ZNF70: variants seen among roughly 807,000 people sequenced by gnomAD.
ZNF70 encodes zinc finger protein N27C7-1.
ZNF70 carries 18 observed loss-of-function variants against 37.7 expected under a neutral mutation model. The ratio of observed to expected loss-of-function variants is 0.48; its 90% CI spans 0.33 to 0.71. ZNF70 has a LOEUF of 0.71. ZNF70 is among the 30% of genes least tolerant of loss of function. The pLI is 0.02. For missense variants in ZNF70, 506 were observed against 568.6 expected, an observed-to-expected ratio of 0.89 and a Z score of 1.12; for synonymous variants, 219 against 220.1, an observed-to-expected ratio of 0.99 and a Z score of 0.05.
chr22:23,739,437 C>A lies in ZNF70; in HGVS notation c.*4363G>T, dbSNP rs117370326. ...ACTACAGGCGCACAGCTGCCTGTAG[C>A]CACCACGCACGGCTAATTTTTTGTA... On this transcript the variant is annotated 3_prime_UTR_variant, in exon 2 of 2. Coordinates refer to ENST00000341976, the MANE Select transcript of ZNF70 (RefSeq NM_021916.4). The A allele has an allele frequency of 0.013, 1,979 of 151,066 alleles. 29 individuals are homozygous for A. Among genetic ancestry groups the A allele is most frequent in the South Asian group, 0.046 (219 of 4,760 alleles). The allele number at this position is 151,066 out of a possible 1,614,324, so 9.4% of individuals were successfully genotyped here.
rs1924869397 is a variant in ZNF70 at position 23,741,366 on chromosome 22, T to C, written c.*2434A>G. On this transcript the variant is annotated 3_prime_UTR_variant, in exon 2 of 2. Coordinates refer to ENST00000341976, the MANE Select transcript of ZNF70 (RefSeq NM_021916.4). Reference sequence around the variant, plus strand: ...GACAGGCCTGAAATGACAGGCCACTTGCAGGCAATGCCCAGGGCACCATCC... The same window carrying C: ...GACAGGCCTGAAATGACAGGCCACTCGCAGGCAATGCCCAGGGCACCATCC... 1 of 152,218 alleles carries C rather than the reference T, an allele frequency of 6.6e-6. No individual in the cohort carries two copies. Among genetic ancestry groups the C allele is most frequent in the Non-Finnish European group, 1.5e-5 (1 of 68,058 alleles). The allele number at this position is 152,218 out of a possible 1,614,324, so 9.4% of individuals were successfully genotyped here. A position where few individuals can be genotyped will look rare whatever the true frequency, so the allele number is the denominator to read the frequency against.
rs746104358 is a variant in ZNF70 at position 23,743,867 on chromosome 22, C to T, written c.1274G>A (p.Gly425Asp). ...REKPYVCNLC[G>D]KSFRGSSHLI... is the part of the protein sequence containing the mutation. ...GTGCGAGCTCCCCCGGAAGGACTTG[C>T]CGCACAGATTGCACACGTAGGGCTT... Residue 425 changes from glycine (G) to aspartate (D), a missense_variant, in exon 2 of 2, where the codon GGC (glycine) becomes GAC (aspartate). Coordinates refer to ENST00000341976, the MANE Select transcript of ZNF70 (RefSeq NM_021916.4). 2 of 1,614,228 alleles carry T rather than the reference C, an allele frequency of 1.2e-6. No individual in the cohort carries two copies. Among genetic ancestry groups the T allele is most frequent in the South Asian group, 2.2e-5 (2 of 91,084 alleles).
chr22:23,750,138 A>T (rs2145902563), intron 1 of ZNF70, among the ~76,000 whole-genome samples: 1 of 151,728 alleles, frequency 6.6e-6, no homozygotes, highest in African/African-American at 2.4e-5. Flanking sequence ...GCATTCTATG[A>T]CCTCCTTATT....
Position 23,744,815 on chromosome 22 carries a change from C to G in ZNF70, c.326G>C (p.Ser109Thr). ...ACAATCGCATGGACTGGGCTCTTCA[C>G]TGTGGATTATCTGACACATGCTGAG... is the stretch of plus-strand genomic sequence containing the variant. ...SDLSMCQIIH[S>T]EEPSPCDCAE... Residue 109 changes from serine (S) to threonine (T), a missense_variant, in exon 2 of 2, where the codon AGT becomes ACT. Ser to Thr is a moderately conservative substitution (Grantham distance 58). Coordinates refer to ENST00000341976, the MANE Select transcript of ZNF70 (RefSeq NM_021916.4). 2.5e-6 allele frequency: 4 copies of G among 1,614,218 alleles called. No individual in the cohort carries two copies. The highest frequency in any genetic ancestry group is 2.2e-5 in the South Asian group (2 of 91,080).
chr22:23,748,529 C>T (rs1925208621), intron 1 of ZNF70, among the ~76,000 whole-genome samples: 1 of 151,642 alleles, frequency 6.6e-6, no homozygotes, highest in Admixed American at 6.6e-5. Flanking sequence ...CATGAGCCAC[C>T]ATGCCCAGCA....
chr22:23,745,167 T>A lies in ZNF70; in HGVS notation c.-27A>T. The A allele has an allele frequency of 6.3e-7, 1 of 1,585,418 alleles. No homozygotes were observed. The highest frequency in any genetic ancestry group is 8.6e-7 in the Non-Finnish European group (1 of 1,165,186). On this transcript the variant is annotated 5_prime_UTR_variant, in exon 2 of 2. Transcript: ENST00000341976. ...GTGAATCTGCTATCATCCCCAATGG[T>A]TGTATTTCTTTAAAAATGTTCTTCT... is the stretch of plus-strand genomic sequence containing the variant.
At chr22:23,748,450 A>T (rs1350487644) in intron 1 of ZNF70, among the ~76,000 whole-genome samples, 1 of 152,144 alleles carries the variant, frequency 6.6e-6, no homozygotes, top group South Asian at 2.1e-4. Flanking sequence ...TATGTTGCCC[A>T]GGCTGGTCTT....
Position 23,739,422 on chromosome 22 carries a change from C to A in ZNF70, c.*4378G>T, listed in dbSNP as rs1411581387. The A allele has an allele frequency of 2.0e-5, 3 of 151,738 alleles. No individual in the cohort carries two copies. Among genetic ancestry groups the A allele is most frequent in the Non-Finnish European group, 2.9e-5 (2 of 67,994 alleles). The allele number at this position is 151,738 out of a possible 1,614,324, so 9.4% of individuals were successfully genotyped here. ...TCCCAAGTAGCTGGGACTACAGGCG[C>A]ACAGCTGCCTGTAGCCACCACGCAC... On this transcript the variant is annotated 3_prime_UTR_variant, in exon 2 of 2. Coordinates refer to ENST00000341976, the MANE Select transcript of ZNF70 (RefSeq NM_021916.4).
chr22:23,741,418 G>A lies in ZNF70; in HGVS notation c.*2382C>T, dbSNP rs546269419. The A allele has an allele frequency of 3.3e-5, 5 of 152,384 alleles. No individual in the cohort carries two copies. In the East Asian group the frequency reaches 9.6e-4, roughly 29 times the overall value. The allele number at this position is 152,384 out of a possible 1,614,324, so 9.4% of individuals were successfully genotyped here. ...GTCAGTCCAACTGGTTACACAGAGG[G>A]TTCTGGTGGACAATGGAGTGCTGGT... On this transcript the variant is annotated 3_prime_UTR_variant, in exon 2 of 2. Transcript: ENST00000341976.
intron 1 of ZNF70, among the ~76,000 whole-genome samples, chr22:23,748,145 A>G (rs1346932054): frequency 6.6e-6 from 1 of 151,488 alleles, no homozygotes; most frequent in African/African-American, 2.4e-5. Flanking sequence ...CAAAGGCACA[A>G]TTATCCTTAT....
chr22:23,741,759 G>A lies in ZNF70; in HGVS notation c.*2041C>T, dbSNP rs1924881437. 2 of 152,378 alleles carry A rather than the reference G, an allele frequency of 1.3e-5. No homozygotes were observed. Among genetic ancestry groups the A allele is most frequent in the South Asian group, 2.1e-4 (1 of 4,834 alleles). 9.4% of individuals were successfully genotyped at this position (152,378 alleles called of 1,614,324 possible). ...CCCCACTAGCTCTGAGGAGCCCAAG[G>A]GAAGCCAGGACTAAAGAGATCCCCA... On this transcript the variant is annotated 3_prime_UTR_variant, in exon 2 of 2. Transcript: ENST00000341976.
At position 23,743,686 on chromosome 22, in the gene ZNF70, G is replaced by A. The variant is rs1924960393; in HGVS notation, c.*114C>T. On this transcript the variant is annotated 3_prime_UTR_variant, in exon 2 of 2. Coordinates refer to ENST00000341976, the MANE Select transcript of ZNF70 (RefSeq NM_021916.4). ...TAGTGGGATGTTCAAGAGCGCTTAG[G>A]TGGGAAGGTTTCCATTCAGCATCAG... The A allele has an allele frequency of 7.0e-7, 1 of 1,426,836 alleles. No individual in the cohort carries two copies. Among genetic ancestry groups the A allele is most frequent in the South Asian group, 1.4e-5 (1 of 71,762 alleles). 88.4% of individuals were successfully genotyped at this position (1,426,836 alleles called of 1,614,324 possible). A position where few individuals can be genotyped will look rare whatever the true frequency, so the allele number is the denominator to read the frequency against.
In ZNF70 at chr22:23,743,382, A is replaced by G; in HGVS notation, c.*418T>C. ...ACTGTGAGTGTGGTTTCTGTCTTCTAAAAGTGCCAGACTGCAGCCTGTTTT... is the reference window on the plus strand; with the variant it reads ...ACTGTGAGTGTGGTTTCTGTCTTCTGAAAGTGCCAGACTGCAGCCTGTTTT... On this transcript the variant is annotated 3_prime_UTR_variant, in exon 2 of 2. Transcript: ENST00000341976. 5.7e-6 allele frequency: 1 copy of G among 175,796 alleles called. No homozygotes were observed. The highest frequency in any genetic ancestry group is 1.5e-4 in the South Asian group (1 of 6,752). 10.9% of individuals were successfully genotyped at this position (175,796 alleles called of 1,614,324 possible).
In ZNF70 at chr22:23,750,696, C is replaced by T. The variant is rs1012744801; in HGVS notation, c.-80+15G>A. The T allele has an allele frequency of 5.2e-5, 8 of 152,384 alleles. No individual in the cohort carries two copies. The highest frequency in any genetic ancestry group is 4.6e-4 in the Admixed American group (7 of 15,292). The allele number at this position is 152,384 out of a possible 1,614,324, so 9.4% of individuals were successfully genotyped here. Reference sequence around the variant, plus strand: ...GGACCGAAAATGCAAAGATCTGGAACTCCATGCTTCCCACCTCTGTCGGGG... The same window carrying T: ...GGACCGAAAATGCAAAGATCTGGAATTCCATGCTTCCCACCTCTGTCGGGG... On this transcript the variant is annotated intron_variant, in intron 1 of 1. Transcript: ENST00000341976.
chr22:23,742,391 C>A lies in ZNF70; in HGVS notation c.*1409G>T. 1 of 152,340 alleles carries A rather than the reference C, an allele frequency of 6.6e-6. No homozygotes were observed. The allele number at this position is 152,340 out of a possible 1,614,324, so 9.4% of individuals were successfully genotyped here. On this transcript the variant is annotated 3_prime_UTR_variant, in exon 2 of 2. Transcript: ENST00000341976. ...AAGCAATGGTACTGTTTAAACAAGCCCCACGTGAACTCCTAGTTGGCAGGC... is the reference window on the plus strand; with the variant it reads ...AAGCAATGGTACTGTTTAAACAAGCACCACGTGAACTCCTAGTTGGCAGGC...
At chr22:23,746,952 G>C (rs1321749643) in intron 1 of ZNF70, among the ~76,000 whole-genome samples, 1 of 152,024 alleles carries the variant, frequency 6.6e-6, no homozygotes, top group Non-Finnish European at 1.5e-5. Context: ...GCACCCTCAG[G>C]TTCTTGACCA....
At chr22:23,747,579 C>T (rs1309872362) in intron 1 of ZNF70, among the ~76,000 whole-genome samples, 1 of 152,122 alleles carries the variant, frequency 6.6e-6, no homozygotes, top group African/African-American at 2.4e-5. Flanking sequence ...CACCTGTAAT[C>T]CCAGCACTTT....
Position 23,740,886 on chromosome 22 carries a change from A to AG in ZNF70, c.*2913dup, listed in dbSNP as rs1300640792. On this transcript the variant is annotated 3_prime_UTR_variant, in exon 2 of 2. Coordinates refer to ENST00000341976, the MANE Select transcript of ZNF70 (RefSeq NM_021916.4). ...GTTTATCTGTTAACCCTTGGGAGAG[A>AG]GGGGGGATCTTCATCTCCACGTTAC... 2 of 151,900 alleles carry AG rather than the reference A, an allele frequency of 1.3e-5. No individual in the cohort carries two copies. The highest frequency in any genetic ancestry group is 2.9e-5 in the Non-Finnish European group (2 of 68,004). The allele number at this position is 151,900 out of a possible 1,614,324, so 9.4% of individuals were successfully genotyped here. A position where few individuals can be genotyped will look rare whatever the true frequency, so the allele number is the denominator to read the frequency against.
rs554871689 is a variant in ZNF70 at position 23,740,768 on chromosome 22, A to C, written c.*3032T>G. 4.0e-5 allele frequency: 6 copies of C among 150,374 alleles called. No individual in the cohort carries two copies. Among genetic ancestry groups the C allele is most frequent in the South Asian group, 2.1e-4 (1 of 4,810 alleles). 9.3% of individuals were successfully genotyped at this position (150,374 alleles called of 1,614,324 possible). On this transcript the variant is annotated 3_prime_UTR_variant, in exon 2 of 2. Transcript: ENST00000341976. ...TGAGACTCTGTCTCAAAAAAAAAAA[A>C]AAAAAAAAAAAAACTAATAAAACAA...
Sources: gnomAD v4.1 joint callset for allele counts (sites outside exome capture counted in the v4.1 genomes callset) on GRCh38, gnomAD v4.1.1 for gene constraint, MANE v1.5 for transcripts, NCBI Gene and HGNC (gene_info 2026-07-23, HGNC 2026-07-21) for gene names.